PCDHGB4: variants seen among roughly 807,000 people sequenced by gnomAD.
PCDHGB4 encodes the protein protocadherin gamma-B4.
PCDHGB4 carries 38 observed loss-of-function variants against 60.5 expected under a neutral mutation model. That is an observed-to-expected ratio of 0.63 (90% CI 0.48 to 0.82). The LOEUF (loss-of-function observed/expected upper bound fraction) is 0.82, where lower values mean the gene tolerates loss of function less well. PCDHGB4 is among the 40% of genes least tolerant of loss of function. PCDHGB4 has a pLI of 0.00. For synonymous variants in PCDHGB4, 456 were observed against 509.7 expected (o/e 0.89, Z 1.42); for missense variants, 1,109 against 1,209.6 (o/e 0.92, Z 1.23).
chr5:141,508,935 A>T (rs180987868), intron 3 of PCDHGB4, among the ~76,000 whole-genome samples: 2 of 152,118 alleles, frequency 1.3e-5, no homozygotes, highest in Non-Finnish European at 2.9e-5. Context: ...GGAGTTAATT[A>T]GGGAAAACAG....
intron 1 of PCDHGB4, chr5:141,422,102 T>A: frequency 6.2e-7 from 1 of 1,609,526 alleles, no homozygotes; most frequent in Non-Finnish European, 8.5e-7. Context: ...GCTTCTGAAA[T>A]ATTCCAATTG....
intron 1 of PCDHGB4, among the ~76,000 whole-genome samples, chr5:141,455,998 T>C (rs1301217416): frequency 2.6e-5 from 4 of 151,692 alleles, no homozygotes; most frequent in Non-Finnish European, 4.4e-5. Flanking sequence ...CTCGGGTTCA[T>C]GCCATTCTCC....
At chr5:141,449,500 A>G (rs1034917703) in intron 1 of PCDHGB4, among the ~76,000 whole-genome samples, 6 of 151,300 alleles carry the variant, frequency 4.0e-5, no homozygotes, top group African/African-American at 1.5e-4. Flanking sequence ...GAGGCATGAG[A>G]AATGCTTGAA....
At chr5:141,394,591 C>A in intron 1 of PCDHGB4, 2 of 1,613,762 alleles carry the variant, frequency 1.2e-6, no homozygotes, top group Non-Finnish European at 1.7e-6. Context: ...AAGGTGGTGG[C>A]GGTGGACAGA....
chr5:141,454,990 T>C (rs548911982), intron 1 of PCDHGB4, among the ~76,000 whole-genome samples: 1 of 151,490 alleles, frequency 6.6e-6, no homozygotes, highest in African/African-American at 2.4e-5. Context: ...TAAAAAATAT[T>C]TTTAGTAGAG....
At chr5:141,426,539 T>C in intron 1 of PCDHGB4, 2 of 347,388 alleles carry the variant, frequency 5.8e-6, no homozygotes, top group South Asian at 4.4e-5. Flanking sequence ...GGGAACATAC[T>C]TGTGAGTGAC....
At chr5:141,504,147 T>C (rs2099836026) in intron 2 of PCDHGB4, among the ~76,000 whole-genome samples, 1 of 152,198 alleles carries the variant, frequency 6.6e-6, no homozygotes, top group South Asian at 2.1e-4. Flanking sequence ...CCCCTGCAAA[T>C]TGAAATAATT....
At chr5:141,419,781 G>A in intron 1 of PCDHGB4, 1 of 1,614,032 alleles carries the variant, frequency 6.2e-7, no homozygotes, top group Non-Finnish European at 8.5e-7. Flanking sequence ...GTCCGCCAGC[G>A]CCTGCTAGTC....
chr5:141,423,078 C>A (rs752144906), intron 1 of PCDHGB4: 1 of 1,613,990 alleles, frequency 6.2e-7, no homozygotes, highest in Admixed American at 1.7e-5. Context: ...AGCCGGGACT[C>A]TTCGCGGTGG....
At chr5:141,474,997 A>C (rs2154572220) in intron 1 of PCDHGB4, among the ~76,000 whole-genome samples, 1 of 152,376 alleles carries the variant, frequency 6.6e-6, no homozygotes, top group African/African-American at 2.4e-5. Flanking sequence ...ACAATTCTAA[A>C]TGCAGAAAAG....
intron 1 of PCDHGB4, chr5:141,408,243 G>T: frequency 6.3e-7 from 1 of 1,583,996 alleles, no homozygotes; most frequent in African/African-American, 1.3e-5. Context: ...GCCGGCCCGC[G>T]GCAGGTGCTA....
intron 1 of PCDHGB4, chr5:141,409,818 C>G (rs1027344375): frequency 3.7e-6 from 6 of 1,610,800 alleles, no homozygotes; most frequent in African/African-American, 1.3e-5. Flanking sequence ...GACCACGGCT[C>G]GCCCACGCTC....
chr5:141,407,497 G>GTTTTTTTTTTTTTTTTTTTTTTTTT (rs1554102286), intron 1 of PCDHGB4, among the ~76,000 whole-genome samples: 1 of 151,974 alleles, frequency 6.6e-6, no homozygotes, highest in African/African-American at 2.4e-5. Context: ...CTTTATTTCT[G>GTTTTTTTTTTTTTTTTTTTTTTTTT]TTTTTCTTAG....
Position 141,431,205 on chromosome 5 carries a change from A to T in PCDHGB4, c.2397+40924A>T, listed in dbSNP as rs1438031040. ...AAAATTAGTGAAAATGCAGCCACTG[A>T]GATGCGGTTCCCTCTACCCCACGCC... On this transcript the variant is annotated intron_variant, in intron 1 of 3. Transcript: ENST00000519479. This position sits in a 1 kb window ranked among gnomAD's most constrained non-coding sequence, Gnocchi z 4.8. 1.1e-5 allele frequency: 18 copies of T among 1,614,092 alleles called. No homozygotes were observed. Among genetic ancestry groups the T allele is most frequent in the Non-Finnish European group, 1.5e-5 (18 of 1,180,056 alleles).
chr5:141,486,401 G>T lies in PCDHGB4; in HGVS notation c.2398-8406G>T. 6.2e-7 allele frequency: 1 copy of T among 1,614,174 alleles called. No individual in the cohort carries two copies. On this transcript the variant is annotated intron_variant, in intron 1 of 3. Transcript: ENST00000519479. The surrounding 1 kb of genome is among the most constrained non-coding windows in gnomAD (Gnocchi z 5.0). ...CAGGAACCAGTTCTCCCTGGTGACT[G>T]CTGGACCCTTGGATCGAGAGGCCAA...
chr5:141,434,277 A>G (rs760937958), intron 1 of PCDHGB4, among the ~76,000 whole-genome samples: 4 of 152,172 alleles, frequency 2.6e-5, no homozygotes, highest in Non-Finnish European at 4.4e-5. Flanking sequence ...AATTAGAGGT[A>G]TTCTCTGTTT....
Position 141,388,474 on chromosome 5 carries a change from A to G in PCDHGB4, c.590A>G (p.Lys197Arg). ...DGSKYPEMVL[K>R]TPLDREKQKS... The stretch of plus-strand genomic sequence containing the variant: ...AGTAAATACCCTGAGATGGTATTGA[A>G]GACACCTTTGGACAGAGAAAAGCAG... Residue 197 changes from lysine to arginine, a missense_variant, in exon 1 of 4, where the codon AAG (lysine) becomes AGG (arginine). Physicochemically the swap from Lys to Arg is conservative, Grantham distance 26. Around this residue, in one of 2 missense-constraint regions of PCDHGB4, gnomAD observed 1,068 missense variants for 1,089.9 expected, o/e 0.98. Coordinates refer to ENST00000519479, the MANE Select transcript of PCDHGB4 (RefSeq NM_003736.4). The G allele has an allele frequency of 6.2e-7, 1 of 1,613,850 alleles. No individual in the cohort carries two copies. Among genetic ancestry groups the G allele is most frequent in the Non-Finnish European group, 8.5e-7 (1 of 1,179,894 alleles).
chr5:141,466,518 T>C (rs1430823209), intron 1 of PCDHGB4, among the ~76,000 whole-genome samples: 2 of 152,222 alleles, frequency 1.3e-5, no homozygotes, highest in Admixed American at 6.5e-5. Flanking sequence ...TCATTTTTTT[T>C]CCTCCCAAAT....
intron 1 of PCDHGB4, chr5:141,392,075 TG>T (rs2092461871): frequency 6.6e-6 from 1 of 152,236 alleles, no homozygotes. Context: ...GTAATTCAAG[TG>T]GCATTTAGAA....
Sources: gnomAD v4.1 joint callset for allele counts (sites outside exome capture counted in the v4.1 genomes callset) on GRCh38, gnomAD v4.1.1 for gene constraint, gnomAD v4.1.1 regional missense constraint, Gnocchi (gnomAD v3.1) non-coding constraint, MANE v1.5 for transcripts, NCBI Gene and HGNC (gene_info 2026-07-23, HGNC 2026-07-21) for gene names.